SNTB1: variants seen among roughly 807,000 people sequenced by gnomAD.
SNTB1 encodes syntrophin beta 1, also known as beta-1-syntrophin.
SNTB1 carries 36 observed loss-of-function variants against 48.9 expected under a neutral mutation model. The observed-to-expected ratio is 0.74, with a 90% CI of 0.56 to 0.97. SNTB1 has a LOEUF of 0.97. Ranked by LOEUF, SNTB1 falls within the 50% of genes least tolerant of loss-of-function variation. The pLI, the probability that SNTB1 is intolerant of heterozygous loss-of-function variation, is 0.00. For synonymous variants in SNTB1, 299 were observed against 294.6 expected (o/e 1.01, Z -0.15); for missense variants, 786 against 703.4 (o/e 1.12, Z -1.33).
chr8:120,799,192 T>C (rs1160142046), intron 1 of SNTB1, among the ~76,000 whole-genome samples: 3 of 152,052 alleles, frequency 2.0e-5, no homozygotes, highest in Non-Finnish European at 4.4e-5. Flanking sequence ...GTCTGCACTT[T>C]ACTGCCAGTG....
chr8:120,801,574 T>C (rs1820226738), intron 1 of SNTB1, among the ~76,000 whole-genome samples: 1 of 152,074 alleles, frequency 6.6e-6, no homozygotes, highest in South Asian at 2.1e-4. Context: ...CTAACAAATA[T>C]TGTCAAAATT....
intron 2 of SNTB1, among the ~76,000 whole-genome samples, chr8:120,645,026 T>G (rs1292412956): frequency 2.0e-5 from 3 of 149,348 alleles, no homozygotes; most frequent in African/African-American, 7.3e-5. Flanking sequence ...TTTTTTCTTG[T>G]AAATTTGTTT....
At chr8:120,752,958 A>C (rs1184482674) in intron 1 of SNTB1, among the ~76,000 whole-genome samples, 1 of 145,162 alleles carries the variant, frequency 6.9e-6, no homozygotes, top group Non-Finnish European at 1.5e-5. Flanking sequence ...CTGGATATGC[A>C]CTCCCTGAGC....
intron 3 of SNTB1, among the ~76,000 whole-genome samples, chr8:120,582,546 G>A (rs887868383): frequency 1.3e-5 from 2 of 152,128 alleles, no homozygotes; most frequent in Non-Finnish European, 2.9e-5. Flanking sequence ...GACTGACCAT[G>A]AAAATGAGAG....
At chr8:120,560,906 G>C (rs1645319368) in intron 4 of SNTB1, among the ~76,000 whole-genome samples, 1 of 152,146 alleles carries the variant, frequency 6.6e-6, no homozygotes, top group Admixed American at 6.5e-5. Context: ...TGAAATAACT[G>C]CTTAGGATCC....
intron 2 of SNTB1, among the ~76,000 whole-genome samples, chr8:120,633,958 T>C (rs1361286086): frequency 2.0e-5 from 3 of 151,958 alleles, no homozygotes; most frequent in Non-Finnish European, 2.9e-5. Context: ...TGTAGATTTG[T>C]ATAAACCCCA....
Position 120,666,504 on chromosome 8 carries a change from G to A in SNTB1, c.788+27188C>T, listed in dbSNP as rs147794250. ...CATGTGTAATGTGTCTTTTTTCTTC[G>A]GTGGCTTTTTAAAATTTTCTTTTTA... is the stretch of plus-strand genomic sequence containing the variant. On this transcript the variant is annotated intron_variant, in intron 2 of 6. Transcript: ENST00000517992. 8.2e-4 allele frequency among the ~76,000 whole-genome samples: 125 copies of A among 151,816 alleles called. 1 individual carries two copies. Among genetic ancestry groups the A allele is most frequent in the African/African-American group, 2.7e-3 (111 of 41,384 alleles).
intron 3 of SNTB1, among the ~76,000 whole-genome samples, chr8:120,606,212 G>A (rs1305284012): frequency 7.0e-6 from 1 of 143,092 alleles, no homozygotes; most frequent in Non-Finnish European, 1.5e-5. Context: ...ATATGATATG[G>A]AATTATAATA....
chr8:120,605,048 A>C (rs13249701), intron 3 of SNTB1, among the ~76,000 whole-genome samples: 1 of 151,812 alleles, frequency 6.6e-6, no homozygotes, highest in Non-Finnish European at 1.5e-5. Flanking sequence ...TTTAATCTCC[A>C]CTCTCCCATT....
chr8:120,681,530 G>C (rs1306481421), intron 2 of SNTB1, among the ~76,000 whole-genome samples: 1 of 152,282 alleles, frequency 6.6e-6, no homozygotes, highest in Middle Eastern at 3.4e-3. Context: ...GCCCTGAAAA[G>C]AGGGCCCTAA....
At chr8:120,755,162 G>A (rs1174846838) in intron 1 of SNTB1, among the ~76,000 whole-genome samples, 1 of 135,588 alleles carries the variant, frequency 7.4e-6, no homozygotes, top group African/African-American at 3.3e-5. Context: ...GTGTGTGTGT[G>A]TGTGTGTGTG....
At chr8:120,802,378 A>T (rs901812616) in intron 1 of SNTB1, among the ~76,000 whole-genome samples, 2 of 152,164 alleles carry the variant, frequency 1.3e-5, no homozygotes, top group African/African-American at 4.8e-5. Flanking sequence ...TTCCCTTTAC[A>T]AAACAGTTTC....
chr8:120,604,432 G>A lies in SNTB1; in HGVS notation c.996+28012C>T, dbSNP rs932287430. Among the ~76,000 whole-genome samples the A allele has an allele frequency of 4.6e-5, 7 of 150,772 alleles. No individual in the cohort carries two copies. In the Admixed American group the frequency reaches 4.7e-4, roughly 10 times the overall value. On this transcript the variant is annotated intron_variant, in intron 3 of 6. Coordinates refer to ENST00000517992, the MANE Select transcript of SNTB1 (RefSeq NM_021021.4). ...ATCAAAGGCCACTAATTAGCCCATG[G>A]CTTGGAAGCCTATGGCTTTTGCTTC...
intron 1 of SNTB1, among the ~76,000 whole-genome samples, chr8:120,803,188 G>A (rs1006663780): frequency 4.6e-5 from 7 of 152,090 alleles, no homozygotes; most frequent in South Asian, 2.1e-4. Flanking sequence ...AGATGTAGTC[G>A]TTTATAAAAA....
chr8:120,640,425 A>G (rs951179290), intron 2 of SNTB1, among the ~76,000 whole-genome samples: 2 of 152,166 alleles, frequency 1.3e-5, no homozygotes, highest in Non-Finnish European at 2.9e-5. Context: ...GTCGAATAGG[A>G]GTGATGAGAG....
intron 2 of SNTB1, among the ~76,000 whole-genome samples, chr8:120,649,426 G>A (rs1172780197): frequency 1.1e-4 from 15 of 138,830 alleles, no homozygotes; most frequent in East Asian, 2.0e-4. Context: ...GTACCCTGCC[G>A]TGTGAGGTGT....
chr8:120,708,540 C>T lies in SNTB1; in HGVS notation c.572-14632G>A, dbSNP rs186645361. ...GCCCATCCATTTTCCTAAATATAAACATAAATCCCAAATGCCAAACAAAAT... is the reference window on the plus strand; with the variant it reads ...GCCCATCCATTTTCCTAAATATAAATATAAATCCCAAATGCCAAACAAAAT... On this transcript the variant is annotated intron_variant, in intron 1 of 6. Coordinates refer to ENST00000517992, the MANE Select transcript of SNTB1 (RefSeq NM_021021.4). Among the ~76,000 whole-genome samples, 631 of 152,108 alleles carry T rather than the reference C, an allele frequency of 4.1e-3. 4 individuals carry two copies. The highest frequency in any genetic ancestry group is 3.9e-3 in the Non-Finnish European group (268 of 67,956).
At chr8:120,565,354 C>A (rs1471445941) in intron 4 of SNTB1, among the ~76,000 whole-genome samples, 1 of 152,102 alleles carries the variant, frequency 6.6e-6, no homozygotes, top group African/African-American at 2.4e-5. Flanking sequence ...CCCTATTAGG[C>A]ACGTATAGAT....
intron 1 of SNTB1, among the ~76,000 whole-genome samples, chr8:120,718,016 G>T (rs930231883): frequency 2.0e-5 from 3 of 152,192 alleles, no homozygotes; most frequent in Non-Finnish European, 4.4e-5. Flanking sequence ...TTCTTAGAGG[G>T]CTGTGCTCTG....
Sources: allele counts gnomAD v4.1 joint callset (sites outside exome capture counted in the v4.1 genomes callset), GRCh38; gene constraint gnomAD v4.1.1; transcripts MANE v1.5; gene names NCBI Gene and HGNC (gene_info 2026-07-23, HGNC 2026-07-21).